Variants in KPNB1 observed in about 807,000 individuals in gnomAD.
The protein encoded by KPNB1 is importin subunit beta-1.
A neutral mutation model predicts 113.0 loss-of-function variants in KPNB1; 7 were observed. The ratio of observed to expected loss-of-function variants is 0.06; its 90% CI spans 0.04 to 0.12. KPNB1 has a LOEUF of 0.12. Among genes scored for constraint, KPNB1 ranks in the 10% least tolerant of loss-of-function variants. KPNB1 has a pLI of 1.00. For missense variants in KPNB1, 400 were observed against 1,054.8 expected (o/e 0.38, Z 8.60); for synonymous variants, 363 against 378.6 (o/e 0.96, Z 0.48).
Position 47,661,107 on chromosome 17 carries a change from T to C in KPNB1, c.637-12T>C, listed in dbSNP as rs1198718814. ...GCTCTCCTAATTCTCTTTATTTTTA[T>C]TCCTCCTACAGTCTGAAAGGCACTT... On this transcript the variant is annotated splice_polypyrimidine_tract_variant and intron_variant, in intron 5 of 21. Transcript: ENST00000290158. The C allele has an allele frequency of 6.2e-7, 1 of 1,604,618 alleles. No homozygotes were observed. The highest frequency in any genetic ancestry group is 1.7e-5 in the Admixed American group (1 of 60,008).
Position 47,649,965 on chromosome 17 carries a change from C to T in KPNB1, c.-280C>T. ...CACTCACAGCCTCCCTTCCTTCTTT[C>T]TCCCTCCGCCTCCCGAGCACCAGCG... On this transcript the variant is annotated 5_prime_UTR_variant, in exon 1 of 22. Coordinates refer to ENST00000290158, the MANE Select transcript of KPNB1 (RefSeq NM_002265.6). 7.6e-7 allele frequency: 1 copy of T among 1,322,736 alleles called. No individual in the cohort carries two copies. Among genetic ancestry groups the T allele is most frequent in the Non-Finnish European group, 9.6e-7 (1 of 1,040,654 alleles). 81.9% of individuals were successfully genotyped at this position (1,322,736 alleles called of 1,614,324 possible). A position where few individuals can be genotyped will look rare whatever the true frequency, so the allele number is the denominator to read the frequency against.
rs191918175 is a variant in KPNB1 at position 47,665,183 on chromosome 17, A to G, written c.999+25A>G. ...GGTGAGTTACCTTCCAAATATAGGT[A>G]GGTAAGCTGTGGAACCTTACTAAGA... On this transcript the variant is annotated intron_variant, in intron 9 of 21. Coordinates refer to ENST00000290158, the MANE Select transcript of KPNB1 (RefSeq NM_002265.6). The G allele has an allele frequency of 2.7e-5, 42 of 1,564,328 alleles. No homozygotes were observed. The African/African-American group carries it at 3.4e-4, about 13-fold the overall frequency.
At chr17:47,654,466 C>A (rs1915665520) in intron 3 of KPNB1, among the ~76,000 whole-genome samples, 1 of 151,362 alleles carries the variant, frequency 6.6e-6, no homozygotes, top group Non-Finnish European at 1.5e-5. Flanking sequence ...CATGGTTAAG[C>A]CCTCGGGCAT....
chr17:47,650,568 T>TCCCGTCCCCCTCCCCCCC, intron 2 of KPNB1, 124 bp downstream of exon 2: 1 of 401,554 alleles, frequency 2.5e-6, no homozygotes, highest in Non-Finnish European at 4.3e-6. Context: ...CCCTCCCCCC[T>TCCCGTCCCCCTCCCCCCC]CCCCCTCCCC....
chr17:47,650,569 C>T (rs1174754140), intron 2 of KPNB1, 125 bp downstream of exon 2: 50 of 721,492 alleles, frequency 6.9e-5, no homozygotes, highest in Non-Finnish European at 1.1e-4. Flanking sequence ...CCTCCCCCCT[C>T]CCCCTCCCCC....
chr17:47,668,712 A>G (rs1215879694), intron 10 of KPNB1, among the ~76,000 whole-genome samples: 1 of 152,192 alleles, frequency 6.6e-6, no homozygotes, highest in Admixed American at 6.5e-5. Flanking sequence ...TGTGTGTGCA[A>G]CAGGCTCTTC....
chr17:47,681,246 T>C (rs2030766118), intron 21 of KPNB1, among the ~76,000 whole-genome samples: 1 of 151,424 alleles, frequency 6.6e-6, no homozygotes, highest in South Asian at 2.1e-4. Context: ...ATTTTCTTTT[T>C]TTCTTTTCTT....
intron 15 of KPNB1, among the ~76,000 whole-genome samples, chr17:47,675,367 T>TG (rs1567894294): frequency 1.8e-5 from 2 of 111,610 alleles, no homozygotes; most frequent in South Asian, 2.7e-4. Flanking sequence ...TGTTGTTTTT[T>TG]TTTTGTTTTT....
chr17:47,652,672 C>G, intron 2 of KPNB1, 22 bp from the exon 3 acceptor site: 1 of 1,502,860 alleles, frequency 6.7e-7, no homozygotes, highest in African/African-American at 1.4e-5. Flanking sequence ...TTTTTATTTA[C>G]AAATTTATCT....
At chr17:47,663,045 G>C (rs757792680) in intron 6 of KPNB1, 44 bp from the exon 7 acceptor site, 1 of 1,014,172 alleles carries the variant, frequency 9.9e-7, no homozygotes, top group Non-Finnish European at 1.6e-6. Context: ...TTGTCAGATT[G>C]CGTTGTTATT....
Position 47,658,488 on chromosome 17 carries a change from C to T in KPNB1, c.484-20C>T. On this transcript the variant is annotated intron_variant, in intron 4 of 21. Coordinates refer to ENST00000290158, the MANE Select transcript of KPNB1 (RefSeq NM_002265.6). ...CAGAGGGCTGACTGTATATTCATTG[C>T]ACTTCTCTGCTTGTTACAGGACCCA... 1.2e-6 allele frequency: 2 copies of T among 1,608,036 alleles called. No homozygotes were observed. The highest frequency in any genetic ancestry group is 1.7e-6 in the Non-Finnish European group (2 of 1,178,336).
At chr17:47,651,521 AT>A in intron 2 of KPNB1, 1 of 196,812 alleles carries the variant, frequency 5.1e-6, no homozygotes, top group Non-Finnish European at 9.2e-6. Flanking sequence ...ATATGTGCCA[AT>A]TTTTACAACT....
At chr17:47,668,053 C>T (rs1290705907) in intron 9 of KPNB1, 133 bp from the exon 10 acceptor site, 4 of 661,580 alleles carry the variant, frequency 6.0e-6, no homozygotes, top group Non-Finnish European at 1.0e-5. Context: ...GTGGAAGAGA[C>T]AAAATATAAA....
intron 4 of KPNB1, 56 bp from the exon 5 acceptor site, chr17:47,658,452 A>G: frequency 6.4e-7 from 1 of 1,559,664 alleles, no homozygotes; most frequent in South Asian, 1.2e-5. Context: ...CAGATGTGGA[A>G]CCCATGGCTG....
At chr17:47,675,372 G>GTTGTTTTTTTTTTTTTTTTTTTTTTT (rs2030577407) in intron 15 of KPNB1, among the ~76,000 whole-genome samples, 1 of 86,076 alleles carries the variant, frequency 1.2e-5, no homozygotes, top group Admixed American at 1.2e-4. Flanking sequence ...TTTTTTTTTT[G>GTTGTTTTTTTTTTTTTTTTTTTTTTT]TTTTTTTTTT....
chr17:47,669,120 G>A (rs1273481493), intron 10 of KPNB1, among the ~76,000 whole-genome samples: 6 of 151,926 alleles, frequency 3.9e-5, no homozygotes, highest in Non-Finnish European at 7.4e-5. Flanking sequence ...GGAGGCGGGG[G>A]GATGGAGTCT....
At chr17:47,673,293 C>T (rs2030503372) in intron 13 of KPNB1, 128 bp downstream of exon 13, 1 of 1,053,886 alleles carries the variant, frequency 9.5e-7, no homozygotes, top group Non-Finnish European at 1.4e-6. Flanking sequence ...GATAATAAAG[C>T]TTATACAAAA....
rs1343510631 is a variant in KPNB1, at chr17:47,680,016, A to T, written c.2354-4A>T. ...CCGACCAATACCTTCTCTCTCTTTT[A>T]TAGCGGATGTGATGCTGGTACAACC... On this transcript the variant is annotated splice_region_variant and splice_polypyrimidine_tract_variant and intron_variant, in intron 19 of 21. Coordinates refer to ENST00000290158, the MANE Select transcript of KPNB1 (RefSeq NM_002265.6). 11 of 1,600,230 alleles carry T rather than the reference A, an allele frequency of 6.9e-6. No homozygotes were observed. The highest frequency in any genetic ancestry group is 7.7e-6 in the Non-Finnish European group (9 of 1,167,588).
At chr17:47,680,351 T>C (rs2030734786) in intron 20 of KPNB1, among the ~76,000 whole-genome samples, 157 bp from the exon 21 acceptor site, 1 of 152,228 alleles carries the variant, frequency 6.6e-6, no homozygotes, top group African/African-American at 2.4e-5. Flanking sequence ...TAAACTCTGA[T>C]GTTGGTCAAC....
Sources: allele counts gnomAD v4.1 joint callset (sites outside exome capture counted in the v4.1 genomes callset), GRCh38; gene constraint gnomAD v4.1.1; transcripts MANE v1.5; gene names NCBI Gene and HGNC (gene_info 2026-07-23, HGNC 2026-07-21).